The following KCNMB2 variants were observed in gnomAD, a reference collection of about 807,000 sequenced individuals.
KCNMB2 encodes the protein calcium-activated potassium channel subunit beta-2.
Under a neutral mutation model 24.5 loss-of-function variants are expected in KCNMB2, and 9 were observed. The ratio of observed to expected loss-of-function variants is 0.37; its 90% confidence interval spans 0.22 to 0.64. The LOEUF (loss-of-function observed/expected upper bound fraction) is 0.64, where lower values mean the gene tolerates loss of function less well. KCNMB2 is among the 30% of genes least tolerant of loss of function. KCNMB2 has a pLI of 0.63. For synonymous variants in KCNMB2, 109 were observed against 104.4 expected (o/e 1.04, Z -0.27); for missense variants, 226 against 284.3 (o/e 0.79, Z 1.47).
intron 1 of KCNMB2, among the ~76,000 whole-genome samples, chr3:178,690,158 G>T (rs557404348): frequency 7.9e-5 from 12 of 152,240 alleles, no homozygotes; most frequent in African/African-American, 2.9e-4. Flanking sequence ...CTTATCCTTT[G>T]CCAAAATCAT....
At chr3:178,784,262 C>G (rs990924972) in intron 1 of KCNMB2, among the ~76,000 whole-genome samples, 1 of 152,084 alleles carries the variant, frequency 6.6e-6, no homozygotes, top group Non-Finnish European at 1.5e-5. Flanking sequence ...TTGGAGGTAG[C>G]TATTACAACC....
In KCNMB2 at chr3:178,807,236, G is replaced by A. The variant is rs549037036; in HGVS notation, c.-67-107G>A. 55 of 497,644 alleles carry A rather than the reference G, an allele frequency of 1.1e-4. No homozygotes were observed. The East Asian group carries it at 1.3e-3, about 12-fold the overall frequency. 30.8% of individuals were successfully genotyped at this position (497,644 alleles called of 1,614,324 possible). On this transcript the variant is annotated intron_variant, in intron 1 of 4. Coordinates refer to ENST00000452583, the MANE Select transcript of KCNMB2 (RefSeq NM_181361.3). ...TCCCAGTCAATTTTAATATGCAGCC[G>A]GGATTGAAAACCACTGCCCCTATGG...
At chr3:178,700,403 C>G (rs936244602) in intron 1 of KCNMB2, among the ~76,000 whole-genome samples, 28 of 152,196 alleles carry the variant, frequency 1.8e-4, no homozygotes, top group African/African-American at 6.5e-4. Flanking sequence ...AGTATATACA[C>G]AAGCTCTCTT....
intron 1 of KCNMB2, among the ~76,000 whole-genome samples, chr3:178,688,684 G>C (rs181199095): frequency 6.6e-6 from 1 of 151,954 alleles, no homozygotes; most frequent in Admixed American, 6.6e-5. Flanking sequence ...ACTATCTAGT[G>C]TTTGCTTTTT....
intron 1 of KCNMB2, among the ~76,000 whole-genome samples, chr3:178,611,659 C>T (rs959489481): frequency 1.3e-5 from 2 of 152,094 alleles, no homozygotes; most frequent in South Asian, 2.1e-4. Context: ...GAGCTCAGAT[C>T]GCACCACTGC....
At chr3:178,787,025 G>A (rs1713132908) in intron 1 of KCNMB2, among the ~76,000 whole-genome samples, 1 of 152,004 alleles carries the variant, frequency 6.6e-6, no homozygotes, top group African/African-American at 2.4e-5. Context: ...TACATATAAG[G>A]AATAGGAGAC....
At chr3:178,733,512 G>A (rs1293511254) in intron 1 of KCNMB2, among the ~76,000 whole-genome samples, 13 of 151,924 alleles carry the variant, frequency 8.6e-5, no homozygotes, top group Non-Finnish European at 1.3e-4. Flanking sequence ...ACAGAGTCTC[G>A]CTCCGTCGCC....
intron 1 of KCNMB2, among the ~76,000 whole-genome samples, chr3:178,553,960 T>C (rs1299488773): frequency 6.6e-6 from 1 of 152,152 alleles, no homozygotes; most frequent in African/African-American, 2.4e-5. Context: ...AAAAGAAATA[T>C]ACCACAGCCA....
intron 1 of KCNMB2, among the ~76,000 whole-genome samples, chr3:178,746,629 C>T (rs1019148891): frequency 6.6e-6 from 1 of 152,180 alleles, no homozygotes; most frequent in Non-Finnish European, 1.5e-5. Context: ...CTATGCTCTG[C>T]TCCCTTTAAA....
At chr3:178,668,262 G>C (rs1425276873) in intron 1 of KCNMB2, among the ~76,000 whole-genome samples, 1 of 152,092 alleles carries the variant, frequency 6.6e-6, no homozygotes, top group Non-Finnish European at 1.5e-5. Flanking sequence ...GAGCCTTCCA[G>C]GAAATAGGAA....
At chr3:178,560,171 T>A (rs994165714) in intron 1 of KCNMB2, among the ~76,000 whole-genome samples, 1 of 151,358 alleles carries the variant, frequency 6.6e-6, no homozygotes, top group African/African-American at 2.4e-5. Context: ...ATTTGATTAT[T>A]TTAGATCACC....
At chr3:178,799,242 C>T (rs1164654739) in intron 1 of KCNMB2, among the ~76,000 whole-genome samples, 1 of 152,062 alleles carries the variant, frequency 6.6e-6, no homozygotes, top group Non-Finnish European at 1.5e-5. Flanking sequence ...GTCAAATTAT[C>T]CTTGTTTGAA....
At chr3:178,776,424 C>T (rs902608891) in intron 1 of KCNMB2, among the ~76,000 whole-genome samples, 1 of 152,174 alleles carries the variant, frequency 6.6e-6, no homozygotes, top group Non-Finnish European at 1.5e-5. Context: ...CAATTCCCTG[C>T]TCATAGTTTC....
chr3:178,568,531 CCTT>C (rs1716609987), intron 1 of KCNMB2, among the ~76,000 whole-genome samples: 1 of 152,162 alleles, frequency 6.6e-6, no homozygotes, highest in South Asian at 2.1e-4. Context: ...GAGCACAAAA[CCTT>C]CTGATGACAT....
At chr3:178,824,854 T>C (rs1322154341) in intron 2 of KCNMB2, among the ~76,000 whole-genome samples, 1 of 152,204 alleles carries the variant, frequency 6.6e-6, no homozygotes, top group Non-Finnish European at 1.5e-5. Flanking sequence ...AGACAGTTGA[T>C]TTCAATTTCT....
chr3:178,799,858 C>A (rs988055385), intron 1 of KCNMB2, among the ~76,000 whole-genome samples: 1 of 151,314 alleles, frequency 6.6e-6, no homozygotes, highest in Non-Finnish European at 1.5e-5. Flanking sequence ...AATAGAGAAC[C>A]CAGAAACAAA....
intron 1 of KCNMB2, among the ~76,000 whole-genome samples, chr3:178,582,898 G>C (rs964252743): frequency 1.5e-4 from 23 of 152,142 alleles, no homozygotes; most frequent in African/African-American, 5.1e-4. Context: ...ACTATTGCAT[G>C]ACCACGAGCA....
chr3:178,540,694 CT>C lies in KCNMB2; in HGVS notation c.-68+3990del, dbSNP rs199836816. 7.6e-3 allele frequency among the ~76,000 whole-genome samples: 1,152 copies of C among 152,322 alleles called. 16 individuals are homozygous for C. The highest frequency in any genetic ancestry group is 0.027 in the African/African-American group (1,109 of 41,580). On this transcript the variant is annotated intron_variant, in intron 1 of 4. Coordinates refer to ENST00000452583, the MANE Select transcript of KCNMB2 (RefSeq NM_181361.3). ...CATAGTCACTTGACTCAGTTCTTTA[CT>C]TTTTTTCAGGTTTCTGCTGAATGTC...
chr3:178,785,790 T>C (rs1172995878), intron 1 of KCNMB2, among the ~76,000 whole-genome samples: 1 of 152,150 alleles, frequency 6.6e-6, no homozygotes, highest in Non-Finnish European at 1.5e-5. Context: ...GCATGTTAGG[T>C]ATATTAGGAT....
Sources: allele counts gnomAD v4.1 joint callset (sites outside exome capture counted in the v4.1 genomes callset), GRCh38; gene constraint gnomAD v4.1.1; transcripts MANE v1.5; gene names NCBI Gene and HGNC (gene_info 2026-07-23, HGNC 2026-07-21).